The following RAPGEF6 variants were observed in gnomAD, a reference collection of about 807,000 sequenced individuals.
RAPGEF6 encodes PDZ domain containing guanine nucleotide exchange factor (GEF) 2.
In RAPGEF6, 56 loss-of-function variants were observed where a neutral mutation model predicts 171.4. The observed-to-expected ratio is 0.33, with a 90% CI of 0.26 to 0.41. The LOEUF is 0.41. RAPGEF6 is among the 10% of genes least tolerant of loss of function. The probability of loss-of-function intolerance (pLI) is 1.00; values close to 1 mark genes in which losing one functional copy is unlikely to be tolerated. For missense variants in RAPGEF6, 1,674 were observed against 1,921.4 expected, an observed-to-expected ratio of 0.87 and a Z score of 2.41; for synonymous variants, 692 against 650.1, an observed-to-expected ratio of 1.06 and a Z score of -0.98.
At chr5:131,445,696 C>T (rs1467678316) in intron 22 of RAPGEF6, among the ~76,000 whole-genome samples, 1 of 151,986 alleles carries the variant, frequency 6.6e-6, no homozygotes, top group African/African-American at 2.4e-5. Context: ...GACCTGCCTG[C>T]CTCAGCCTCC....
chr5:131,507,527 C>A (rs1389265019), intron 9 of RAPGEF6, among the ~76,000 whole-genome samples: 1 of 151,982 alleles, frequency 6.6e-6, no homozygotes, highest in Non-Finnish European at 1.5e-5. Context: ...CCTTCCAATC[C>A]CTTTGCATCC....
At chr5:131,512,086 C>A (rs889725716) in intron 7 of RAPGEF6, among the ~76,000 whole-genome samples, 1 of 152,104 alleles carries the variant, frequency 6.6e-6, no homozygotes. Context: ...GAGGAGGACA[C>A]TGAACAAGAG....
intron 24 of RAPGEF6, among the ~76,000 whole-genome samples, chr5:131,438,869 G>C (rs191827705): frequency 6.6e-6 from 1 of 152,242 alleles, no homozygotes; most frequent in Non-Finnish European, 1.5e-5. Flanking sequence ...AAAAGGAAAA[G>C]CATATTTGTT....
Position 131,633,424 on chromosome 5 carries a change from C to T in RAPGEF6, c.69+1538G>A, listed in dbSNP as rs538064796. On this transcript the variant is annotated intron_variant, in intron 1 of 27. Transcript: ENST00000509018. The stretch of plus-strand genomic sequence containing the variant: ...CCATTAAAATGTGAATTTAGTAGCA[C>T]AAGTAATGTTGAAAATTAAAAGCAG... Among the ~76,000 whole-genome samples the T allele has an allele frequency of 5.9e-5, 9 of 152,188 alleles. No homozygotes were observed. In the East Asian group the frequency reaches 1.2e-3, roughly 20 times the overall value.
At chr5:131,603,688 C>T (rs1482715854) in intron 2 of RAPGEF6, among the ~76,000 whole-genome samples, 2 of 151,808 alleles carry the variant, frequency 1.3e-5, no homozygotes, top group Admixed American at 6.6e-5. Flanking sequence ...CATGTACATA[C>T]AAAAAAATTG....
At chr5:131,488,130 C>T (rs1474137544) in intron 15 of RAPGEF6, among the ~76,000 whole-genome samples, 1 of 152,150 alleles carries the variant, frequency 6.6e-6, no homozygotes, top group Non-Finnish European at 1.5e-5. Context: ...CTTCTACCCT[C>T]TGCTATATCC....
intron 15 of RAPGEF6, among the ~76,000 whole-genome samples, chr5:131,485,901 C>T (rs1302350296): frequency 6.6e-6 from 1 of 152,210 alleles, no homozygotes; most frequent in African/African-American, 2.4e-5. Context: ...TTGGTTCTGG[C>T]TCATACTGAC....
chr5:131,622,921 A>G (rs1417197885), intron 1 of RAPGEF6, among the ~76,000 whole-genome samples: 1 of 152,244 alleles, frequency 6.6e-6, no homozygotes, highest in Non-Finnish European at 1.5e-5. Context: ...CCAATTCAGA[A>G]AAAAACTCTG....
Position 131,635,128 on chromosome 5 carries a change from G to A in RAPGEF6, c.-98C>T. On this transcript the variant is annotated 5_prime_UTR_variant, in exon 1 of 28. Coordinates refer to ENST00000509018, the MANE Select transcript of RAPGEF6 (RefSeq NM_016340.6). Reference sequence around the variant, plus strand: ...TGCGGTACCTTTCCCCCGCCCCAAGGAGGGAACTTCGCGCCGTAACAAGGT... The same window carrying A: ...TGCGGTACCTTTCCCCCGCCCCAAGAAGGGAACTTCGCGCCGTAACAAGGT... 1 of 1,277,124 alleles carries A rather than the reference G, an allele frequency of 7.8e-7. No homozygotes were observed. The highest frequency in any genetic ancestry group is 1.1e-6 in the Non-Finnish European group (1 of 947,298). 79.1% of individuals were successfully genotyped at this position (1,277,124 alleles called of 1,614,324 possible). A position where few individuals can be genotyped will look rare whatever the true frequency, so the allele number is the denominator to read the frequency against.
chr5:131,596,109 G>A (rs979389934), intron 3 of RAPGEF6, among the ~76,000 whole-genome samples: 2 of 149,362 alleles, frequency 1.3e-5, no homozygotes, highest in African/African-American at 4.9e-5. Context: ...AGCCAAGGTC[G>A]CACCACTGTG....
intron 5 of RAPGEF6, among the ~76,000 whole-genome samples, chr5:131,551,490 C>A (rs1184587997): frequency 1.5e-5 from 2 of 137,776 alleles, no homozygotes; most frequent in Admixed American, 1.6e-4. Flanking sequence ...CTAGTCTGGG[C>A]GACAGAGTGA....
chr5:131,592,434 A>G lies in RAPGEF6; in HGVS notation c.230T>C (p.Leu77Pro). ...SETIARCWYI[L>P]LSGSVLVKGS... Reference sequence around the variant, plus strand: ...TTTCACAAGCACAGATCCAGAAAGTAGGATATACCAACATCTGGCAATCGT... The same window carrying G: ...TTTCACAAGCACAGATCCAGAAAGTGGGATATACCAACATCTGGCAATCGT... The change falls in exon 4 of 28, where the codon CTA (leucine) becomes CCA (proline). Residue 77 changes from leucine (L) to proline (P), a missense_variant. Around this residue, in one of 3 missense-constraint regions of RAPGEF6, gnomAD observed 1,116 missense variants for 1,321.5 expected, o/e 0.84. Transcript: ENST00000509018. The G allele has an allele frequency of 6.2e-7, 1 of 1,613,974 alleles. No individual in the cohort carries two copies. Among genetic ancestry groups the G allele is most frequent in the Non-Finnish European group, 8.5e-7 (1 of 1,179,854 alleles).
At chr5:131,472,909 G>A in intron 16 of RAPGEF6, 165 bp from the exon 17 acceptor site, 1 of 582,196 alleles carries the variant, frequency 1.7e-6, no homozygotes, top group Non-Finnish European at 2.9e-6. Context: ...TGATGAAAAT[G>A]GCACTAAAAT....
chr5:131,573,414 A>C (rs1302234675), intron 4 of RAPGEF6, among the ~76,000 whole-genome samples: 1 of 152,044 alleles, frequency 6.6e-6, no homozygotes, highest in Non-Finnish European at 1.5e-5. Context: ...CTAAACATAT[A>C]CAGGAATTCC....
intron 7 of RAPGEF6, among the ~76,000 whole-genome samples, chr5:131,512,838 G>C (rs1757826436): frequency 6.6e-6 from 1 of 152,132 alleles, no homozygotes; most frequent in Non-Finnish European, 1.5e-5. Context: ...ACTCTGTGAA[G>C]CTACAGTTAG....
intron 6 of RAPGEF6, among the ~76,000 whole-genome samples, chr5:131,524,180 C>G (rs1170489075): frequency 6.6e-6 from 1 of 151,946 alleles, no homozygotes; most frequent in African/African-American, 2.4e-5. Flanking sequence ...CTTTCAGGAA[C>G]AAGAAAGAAG....
chr5:131,462,582 G>A (rs1040873673), intron 18 of RAPGEF6, among the ~76,000 whole-genome samples: 1 of 152,196 alleles, frequency 6.6e-6, no homozygotes, highest in African/African-American at 2.4e-5. Flanking sequence ...AATCTACAGA[G>A]GAGGGGAAAC....
At chr5:131,553,132 G>A (rs899987719) in intron 5 of RAPGEF6, among the ~76,000 whole-genome samples, 1 of 152,188 alleles carries the variant, frequency 6.6e-6, no homozygotes, top group Non-Finnish European at 1.5e-5. Context: ...TCTACATTTG[G>A]AGGAGAGATG....
chr5:131,510,871 C>G (rs892563139), intron 7 of RAPGEF6, among the ~76,000 whole-genome samples: 3 of 152,136 alleles, frequency 2.0e-5, no homozygotes, highest in African/African-American at 7.2e-5. Flanking sequence ...TTATGAGTAC[C>G]TATTAGTCTA....
Sources: gnomAD v4.1 joint callset for allele counts (sites outside exome capture counted in the v4.1 genomes callset) on GRCh38, gnomAD v4.1.1 for gene constraint, gnomAD v4.1.1 regional missense constraint, MANE v1.5 for transcripts, NCBI Gene and HGNC (gene_info 2026-07-23, HGNC 2026-07-21) for gene names.